The following ABI3BP variants were observed in gnomAD, a reference collection of about 807,000 sequenced individuals.
ABI3BP encodes ABI family member 3 binding protein.
ABI3BP carries 216 observed loss-of-function variants against 268.6 expected under a neutral mutation model. The observed-to-expected ratio is 0.80, with a 90% CI of 0.72 to 0.90. The LOEUF (loss-of-function observed/expected upper bound fraction) is 0.90. Ranked by LOEUF, ABI3BP falls within the 40% of genes least tolerant of loss-of-function variation. The pLI is 0.00. For missense variants in ABI3BP, 2,090 were observed against 2,182.4 expected, an observed-to-expected ratio of 0.96 and a Z score of 0.84; for synonymous variants, 730 against 730.0, an observed-to-expected ratio of 1.00 and a Z score of 0.00.
chr3:100,840,794 A>T (rs1240559917), intron 22 of ABI3BP, 26 bp downstream of exon 22: 15 of 1,527,066 alleles, frequency 9.8e-6, no homozygotes, highest in Non-Finnish European at 1.3e-5. Flanking sequence ...GAAGAAACAA[A>T]GGTCACCCAC....
intron 62 of ABI3BP, among the ~76,000 whole-genome samples, chr3:100,767,798 A>C (rs771875284): frequency 6.6e-6 from 1 of 152,118 alleles, no homozygotes; most frequent in Non-Finnish European, 1.5e-5. Context: ...GGTGGTACCT[A>C]TTATTATGCT....
At chr3:100,958,411 A>G (rs1025301053) in intron 1 of ABI3BP, among the ~76,000 whole-genome samples, 7 of 152,212 alleles carry the variant, frequency 4.6e-5, no homozygotes, top group Non-Finnish European at 1.0e-4. Flanking sequence ...CGGATAAGCA[A>G]CAGTATTTTA....
At chr3:100,986,979 T>G (rs1367350508) in intron 1 of ABI3BP, among the ~76,000 whole-genome samples, 2 of 152,204 alleles carry the variant, frequency 1.3e-5, no homozygotes, top group African/African-American at 4.8e-5. Flanking sequence ...TTTTTGGTGG[T>G]CATTTTAACA....
rs2095220009 is a variant in ABI3BP at position 100,749,707 on chromosome 3, AC to A, written c.*787del. ...TTGACTTCACATTCAGTCTCTACAT[AC>A]AGCTTGATTAGAATCATAAAAACAA... On this transcript the variant is annotated 3_prime_UTR_variant, in exon 68 of 68. Coordinates refer to ENST00000471714, the MANE Select transcript of ABI3BP (RefSeq NM_001375547.2). 2.5e-6 allele frequency: 1 copy of A among 398,424 alleles called. No individual in the cohort carries two copies. The highest frequency in any genetic ancestry group is 2.1e-5 in the African/African-American group (1 of 48,598). The allele number at this position is 398,424 out of a possible 1,614,324, so 24.7% of individuals were successfully genotyped here.
At position 100,886,148 on chromosome 3, in the gene ABI3BP, C is replaced by T. The variant is rs375087188; in HGVS notation, c.637G>A (p.Val213Ile). Reference protein sequence around the residue: ...WSKIFNHKTVVGSKKVNGKIQ... With the variant: ...WSKIFNHKTVIGSKKVNGKIQ... Reference sequence around the variant, plus strand: ...AACATTTCTAGGTACTTACTTCCAACAACAGTCTTGTGATTGAAAATCTTA... The same window carrying T: ...AACATTTCTAGGTACTTACTTCCAATAACAGTCTTGTGATTGAAAATCTTA... The change falls in exon 5 of 68, where the codon GTT becomes ATT. Residue 213 changes from valine (V) to isoleucine (I), a missense_variant. Coordinates refer to ENST00000471714, the MANE Select transcript of ABI3BP (RefSeq NM_001375547.2). 6 of 1,585,024 alleles carry T rather than the reference C, an allele frequency of 3.8e-6. No individual in the cohort carries two copies. The highest frequency in any genetic ancestry group is 5.1e-6 in the Non-Finnish European group (6 of 1,167,844).
intron 33 of ABI3BP, 48 bp downstream of exon 33, chr3:100,829,533 C>A: frequency 1.4e-6 from 2 of 1,477,576 alleles, no homozygotes; most frequent in Non-Finnish European, 1.8e-6. Flanking sequence ...CTTTGGGTCC[C>A]ACTGGGGTGG....
intron 29 of ABI3BP, 38 bp from the exon 30 acceptor site, chr3:100,833,195 A>G: frequency 6.6e-6 from 10 of 1,509,910 alleles, no homozygotes; most frequent in Non-Finnish European, 8.9e-6. Flanking sequence ...TTTAAAAAGA[A>G]ATAAATGTTA....
At chr3:100,909,813 G>C (rs1381250262) in intron 2 of ABI3BP, among the ~76,000 whole-genome samples, 1 of 152,206 alleles carries the variant, frequency 6.6e-6, no homozygotes, top group African/African-American at 2.4e-5. Flanking sequence ...CTTTTACACT[G>C]TTGGTGGGAG....
intron 62 of ABI3BP, among the ~76,000 whole-genome samples, chr3:100,766,710 T>C (rs147121765): frequency 7.2e-5 from 11 of 152,294 alleles, no homozygotes; most frequent in African/African-American, 2.4e-4. Flanking sequence ...CATTTGTTCA[T>C]TGGATTTCTC....
chr3:100,778,425 A>G, intron 58 of ABI3BP, 49 bp from the exon 59 acceptor site: 1 of 1,512,424 alleles, frequency 6.6e-7, no homozygotes, highest in South Asian at 1.2e-5. Flanking sequence ...CATCATAAAG[A>G]TTCATTATCG....
chr3:100,864,985 T>C, intron 10 of ABI3BP, 78 bp from the exon 11 acceptor site: 1 of 1,096,550 alleles, frequency 9.1e-7, no homozygotes, highest in Non-Finnish European at 1.3e-6. Context: ...TCCTGTTGCC[T>C]TTTAGAATTA....
intron 1 of ABI3BP, among the ~76,000 whole-genome samples, chr3:100,982,226 C>T (rs1388027722): frequency 1.3e-5 from 2 of 152,044 alleles, no homozygotes; most frequent in African/African-American, 4.8e-5. Context: ...CCACCCTCCA[C>T]GTGTGGGGAT....
At chr3:100,767,796 C>A (rs892968116) in intron 62 of ABI3BP, among the ~76,000 whole-genome samples, 27 of 152,022 alleles carry the variant, frequency 1.8e-4, no homozygotes, top group African/African-American at 6.3e-4. Context: ...CAGGTGGTAC[C>A]TATTATTATG....
chr3:100,933,869 CT>C (rs2064782422), intron 1 of ABI3BP, among the ~76,000 whole-genome samples: 1 of 151,828 alleles, frequency 6.6e-6, no homozygotes, highest in Non-Finnish European at 1.5e-5. Context: ...GACAGATGTT[CT>C]GTACCACAAC....
intron 63 of ABI3BP, 41 bp downstream of exon 63, chr3:100,765,800 T>C: frequency 1.4e-6 from 2 of 1,404,446 alleles, no homozygotes; most frequent in Non-Finnish European, 1.0e-6. Context: ...TTATAACTTT[T>C]GCACTCTCAG....
intron 63 of ABI3BP, among the ~76,000 whole-genome samples, chr3:100,764,254 G>A (rs148741917): frequency 4.0e-4 from 61 of 152,210 alleles, no homozygotes; most frequent in African/African-American, 1.1e-3. Flanking sequence ...ATGACGTTGC[G>A]TAGTGCCTCC....
chr3:100,864,961 G>T, intron 10 of ABI3BP, 54 bp from the exon 11 acceptor site: 1 of 1,338,692 alleles, frequency 7.5e-7, no homozygotes, highest in South Asian at 1.3e-5. Flanking sequence ...AGCAACCAAA[G>T]ACCAGGAGAC....
intron 58 of ABI3BP, among the ~76,000 whole-genome samples, chr3:100,779,297 G>C (rs551920320): frequency 6.6e-6 from 1 of 152,132 alleles, no homozygotes; most frequent in Non-Finnish European, 1.5e-5. Flanking sequence ...TGTAAGTGGG[G>C]GACAAAGCTT....
At chr3:100,756,779 T>G (rs929047387) in intron 63 of ABI3BP, among the ~76,000 whole-genome samples, 6 of 146,396 alleles carry the variant, frequency 4.1e-5, no homozygotes, top group Admixed American at 6.7e-5. Context: ...TTTTTGGGTT[T>G]TTTTTTTTTT....
Sources: allele counts gnomAD v4.1 joint callset (sites outside exome capture counted in the v4.1 genomes callset), GRCh38; gene constraint gnomAD v4.1.1; transcripts MANE v1.5; gene names NCBI Gene and HGNC (gene_info 2026-07-23, HGNC 2026-07-21).